Variants in TRMT10B observed in about 807,000 individuals in gnomAD.
The protein encoded by TRMT10B is tRNA methyltransferase 10B.
A neutral mutation model predicts 43.8 loss-of-function variants in TRMT10B; 33 were observed. The ratio of observed to expected loss-of-function variants is 0.75; its 90% CI spans 0.57 to 1.01. The LOEUF (loss-of-function observed/expected upper bound fraction) is 1.01, where lower values mean the gene tolerates loss of function less well. TRMT10B is among the 50% of genes least tolerant of loss of function. The pLI is 0.00. For missense variants in TRMT10B, 362 were observed against 369.8 expected, an observed-to-expected ratio of 0.98 and a Z score of 0.17; for synonymous variants, 137 against 130.6, an observed-to-expected ratio of 1.05 and a Z score of -0.34.
chr9:37,768,477 A>G (rs1827221127), intron 5 of TRMT10B, among the ~76,000 whole-genome samples: 1 of 152,188 alleles, frequency 6.6e-6, no homozygotes, highest in Non-Finnish European at 1.5e-5. Flanking sequence ...ATACTCCAGG[A>G]ATATTTTTGG....
chr9:37,759,157 G>A (rs893727918), intron 1 of TRMT10B, among the ~76,000 whole-genome samples: 1 of 152,154 alleles, frequency 6.6e-6, no homozygotes, highest in African/African-American at 2.4e-5. Context: ...CTTAGTCAAT[G>A]GATGTGAAAA....
rs765862244 is a variant in TRMT10B at position 37,761,915 on chromosome 9, G to A, written c.-17G>A. 1 of 1,603,744 alleles carries A rather than the reference G, an allele frequency of 6.2e-7. No homozygotes were observed. The highest frequency in any genetic ancestry group is 1.1e-5 in the South Asian group (1 of 90,624). On this transcript the variant is annotated 5_prime_UTR_variant, in exon 2 of 9. Transcript: ENST00000297994. ...TGCCTTTTTCCAGTCTGGTGGAAAG[G>A]ACAGAGGACTAAGTCCATGGACTGG...
Position 37,770,103 on chromosome 9 carries a change from C to G in TRMT10B, c.652+84C>G. The G allele has an allele frequency of 2.5e-6, 3 of 1,223,746 alleles. No homozygotes were observed. The Admixed American group carries it at 5.0e-5, about 21-fold the overall frequency. The allele number at this position is 1,223,746 out of a possible 1,614,324, so 75.8% of individuals were successfully genotyped here. A position where few individuals can be genotyped will look rare whatever the true frequency, so the allele number is the denominator to read the frequency against. The stretch of plus-strand genomic sequence containing the variant: ...TGTGGCAGAATTTATTAAAGCCCCT[C>G]AAGAAGGACACCCCTCCCCACCCCC... On this transcript the variant is annotated intron_variant, in intron 6 of 8. Transcript: ENST00000297994.
At chr9:37,755,357 T>C (rs2118649735) in intron 1 of TRMT10B, among the ~76,000 whole-genome samples, 1 of 149,974 alleles carries the variant, frequency 6.7e-6, no homozygotes, top group East Asian at 2.0e-4. Flanking sequence ...TGGCACACAA[T>C]GTGGATGCCC....
At chr9:37,756,818 A>G (rs867380669) in intron 1 of TRMT10B, among the ~76,000 whole-genome samples, 45 of 149,850 alleles carry the variant, frequency 3.0e-4, no homozygotes, top group South Asian at 8.5e-4. Context: ...ATGTGTGCAT[A>G]TGTGTGTATG....
intron 3 of TRMT10B, among the ~76,000 whole-genome samples, chr9:37,763,019 T>C (rs1239716422): frequency 1.3e-5 from 2 of 148,992 alleles, no homozygotes; most frequent in Non-Finnish European, 3.0e-5. Context: ...CACGCACCTG[T>C]AGTCCCAGCT....
intron 4 of TRMT10B, among the ~76,000 whole-genome samples, chr9:37,764,515 G>T (rs922066353): frequency 4.0e-5 from 6 of 151,836 alleles, no homozygotes; most frequent in African/African-American, 1.5e-4. Flanking sequence ...TAGAGATGGG[G>T]TTTCACCATG....
chr9:37,773,823 ACT>A (rs1449122464), intron 7 of TRMT10B, among the ~76,000 whole-genome samples: 3 of 151,900 alleles, frequency 2.0e-5, no homozygotes, highest in Admixed American at 6.6e-5. Flanking sequence ...ACAGAGCGAG[ACT>A]CTGTTTCATA....
At chr9:37,753,424 T>C (rs908190468), upstream of TRMT10B, among the ~76,000 whole-genome samples, 1 of 152,220 alleles carries the variant, frequency 6.6e-6, no homozygotes, top group African/African-American at 2.4e-5. Context: ...CTTCCTGTAA[T>C]GGCCATAACT....
intron 8 of TRMT10B, 133 bp from the exon 9 acceptor site, chr9:37,777,468 T>TC (rs1828296638): frequency 1.5e-6 from 1 of 675,474 alleles, no homozygotes; most frequent in African/African-American, 1.8e-5. Flanking sequence ...TCCTTGCCTC[T>TC]CCCCGCAAGA....
Position 37,778,175 on chromosome 9 carries a change from C to A in TRMT10B, c.*468C>A, listed in dbSNP as rs1210537490. 1 of 159,096 alleles carries A rather than the reference C, an allele frequency of 6.3e-6. No individual in the cohort carries two copies. Among genetic ancestry groups the A allele is most frequent in the Admixed American group, 6.2e-5 (1 of 16,084 alleles). The allele number at this position is 159,096 out of a possible 1,614,324, so 9.9% of individuals were successfully genotyped here. A position where few individuals can be genotyped will look rare whatever the true frequency, so the allele number is the denominator to read the frequency against. ...GGGACCACATTTAATGCTTTTTAAT[C>A]TCCCATAGTGCCTGGCTCACAGGAA... On this transcript the variant is annotated 3_prime_UTR_variant, in exon 9 of 9. Coordinates refer to ENST00000297994, the MANE Select transcript of TRMT10B (RefSeq NM_144964.4).
At chr9:37,770,804 C>T in intron 7 of TRMT10B, 65 bp downstream of exon 7, 1 of 1,544,308 alleles carries the variant, frequency 6.5e-7, no homozygotes, top group South Asian at 1.1e-5. Flanking sequence ...GAGGCATGTG[C>T]CCTGTTATAG....
upstream of TRMT10B, among the ~76,000 whole-genome samples, chr9:37,752,943 T>C (rs969759287): frequency 5.9e-5 from 9 of 152,108 alleles, no homozygotes; most frequent in African/African-American, 2.2e-4. Flanking sequence ...GGGTGCTTTG[T>C]TCTTTGTAAT....
chr9:37,767,153 A>G (rs916001361), intron 4 of TRMT10B: 1 of 152,116 alleles, frequency 6.6e-6, no homozygotes. Flanking sequence ...ATAAGTTAGG[A>G]AAACTGCAGA....
chr9:37,765,773 G>A (rs1826922236), intron 4 of TRMT10B, among the ~76,000 whole-genome samples: 1 of 152,090 alleles, frequency 6.6e-6, no homozygotes, highest in Non-Finnish European at 1.5e-5. Flanking sequence ...TTTAATGATT[G>A]CCATTCTAAC....
chr9:37,762,423 C>A, intron 2 of TRMT10B, 154 bp from the exon 3 acceptor site: 1 of 1,153,838 alleles, frequency 8.7e-7, no homozygotes, highest in Non-Finnish European at 1.2e-6. Context: ...TTTCTCTAAA[C>A]ACGATCCAGT....
intron 7 of TRMT10B, 119 bp from the exon 8 acceptor site, chr9:37,776,163 C>A: frequency 1.1e-6 from 1 of 872,502 alleles, no homozygotes; most frequent in Non-Finnish European, 1.6e-6. Context: ...AGACAGTTAA[C>A]TCATTATCTG....
chr9:37,775,557 GTC>G (rs1343020042), intron 7 of TRMT10B, among the ~76,000 whole-genome samples: 2 of 152,030 alleles, frequency 1.3e-5, no homozygotes, highest in Non-Finnish European at 2.9e-5. Context: ...TTGAGACAGG[GTC>G]TCCTCTGTCA....
intron 1 of TRMT10B, among the ~76,000 whole-genome samples, chr9:37,760,118 G>A (rs1007213481): frequency 6.6e-6 from 1 of 152,196 alleles, no homozygotes; most frequent in Admixed American, 6.5e-5. Context: ...CTGAGGTCAG[G>A]AATTCAAGAC....
Sources: gnomAD v4.1 joint callset for allele counts (sites outside exome capture counted in the v4.1 genomes callset) on GRCh38, gnomAD v4.1.1 for gene constraint, MANE v1.5 for transcripts, NCBI Gene and HGNC (gene_info 2026-07-23, HGNC 2026-07-21) for gene names.